Variants in IGBP1 observed in about 807,000 individuals in gnomAD.
IGBP1 encodes immunoglobulin-binding protein 1.
IGBP1 carries 2 observed loss-of-function variants against 25.9 expected under a neutral mutation model. The ratio of observed to expected loss-of-function variants is 0.08; its 90% CI spans 0.03 to 0.24. The LOEUF (loss-of-function observed/expected upper bound fraction) is 0.24, where lower values mean the gene tolerates loss of function less well. Ranked by LOEUF, IGBP1 falls within the 10% of genes least tolerant of loss-of-function variation. The pLI is 1.00. For synonymous variants in IGBP1, 96 were observed against 93.4 expected, an observed-to-expected ratio of 1.03 and a Z score of -0.16; for missense variants, 187 against 260.4, an observed-to-expected ratio of 0.72 and a Z score of 1.94.
intron 3 of IGBP1, among the ~76,000 whole-genome samples, chrX:70,145,838 C>T (rs922162999): frequency 1.8e-5 from 2 of 112,426 alleles, no homozygotes; most frequent in Non-Finnish European, 3.8e-5. Flanking sequence ...CTTCTGACTA[C>T]CTTGTATATA....
chrX:70,135,411 G>A (rs900763552), intron 3 of IGBP1, among the ~76,000 whole-genome samples: 1 of 111,625 alleles, frequency 9.0e-6, no homozygotes, highest in Admixed American at 9.6e-5. Context: ...CTGCCTTGGA[G>A]GAGCATACAA....
rs751288055 is a variant in IGBP1, at chrX:70,134,751, C to T, written c.417C>T (p.Ala139=). ...ACAACTCTGCTGAAAATCACACTGCCAATTCCTCCATGGCTTATCCTAGTC... is the reference window on the plus strand; with the variant it reads ...ACAACTCTGCTGAAAATCACACTGCTAATTCCTCCATGGCTTATCCTAGTC... ...TMNNSAENHT[A]NSSMAYPSLV... The change falls in exon 3 of 7, where the codon GCC becomes GCT. Residue 139 remains alanine (A), a synonymous_variant. Coordinates refer to ENST00000356413, the MANE Select transcript of IGBP1 (RefSeq NM_001551.3). The T allele has an allele frequency of 1.7e-6, 2 of 1,211,372 alleles. No individual in the cohort carries two copies. The highest frequency in any genetic ancestry group is 2.2e-6 in the Non-Finnish European group (2 of 894,863).
In IGBP1 at chrX:70,165,861, G is replaced by A; in HGVS notation, c.900G>A (p.Gln300=). 2 of 1,208,479 alleles carry A rather than the reference G, an allele frequency of 1.7e-6. No individual in the cohort carries two copies. Among genetic ancestry groups the A allele is most frequent in the East Asian group, 3.0e-5 (1 of 33,733 alleles). The change falls in exon 7 of 7, where the codon CAG becomes CAA. Residue 300 remains glutamine, a synonymous_variant. Coordinates refer to ENST00000356413, the MANE Select transcript of IGBP1 (RefSeq NM_001551.3). ...PEEFRKAAQQ[Q]EEQEEKEEED... is the part of the protein sequence containing the mutation. The stretch of plus-strand genomic sequence containing the variant: ...AATTCAGAAAAGCAGCTCAGCAACA[G>A]GAAGAACAAGAAGAAAAGGAGGAAG...
At chrX:70,152,744 T>C (rs1183947593) in intron 6 of IGBP1, among the ~76,000 whole-genome samples, 2 of 112,120 alleles carry the variant, frequency 1.8e-5, no homozygotes, top group Non-Finnish European at 3.8e-5. Context: ...TACCAGATTG[T>C]TGCTGACAGA....
intron 1 of IGBP1, 73 bp downstream of exon 1, chrX:70,133,613 C>G (rs1296138860): frequency 4.9e-6 from 2 of 404,058 alleles, no homozygotes; most frequent in Admixed American, 9.6e-5. Context: ...AATTCAGCCT[C>G]GCCTCACCCG....
chrX:70,134,381 A>T (rs899160817), intron 2 of IGBP1, 142 bp from the exon 3 acceptor site: 3 of 659,475 alleles, frequency 4.5e-6, no homozygotes, highest in Non-Finnish European at 7.2e-6. Flanking sequence ...AGCCACTTTC[A>T]TTGAGTGAAA....
chrX:70,144,429 GGATAGGAGTGA>G (rs2085152146), intron 3 of IGBP1, among the ~76,000 whole-genome samples: 1 of 110,902 alleles, frequency 9.0e-6, no homozygotes, highest in African/African-American at 3.3e-5. Flanking sequence ...AGAGGGTTGG[GGATAGGAGTGA>G]GATTGGAGTT....
At chrX:70,136,727 T>TATA (rs1556190899) in intron 3 of IGBP1, among the ~76,000 whole-genome samples, 1,149 of 107,671 alleles carry the variant, frequency 0.011, 12 homozygotes, top group African/African-American at 0.037. Flanking sequence ...TTATTATTAT[T>TATA]ATACAGAGTT....
chrX:70,159,856 A>G lies in IGBP1; in HGVS notation c.872-5977A>G, dbSNP rs775033208. On this transcript the variant is annotated intron_variant, in intron 6 of 6. Coordinates refer to ENST00000356413, the MANE Select transcript of IGBP1 (RefSeq NM_001551.3). ...CCGGGTGCAGTGGCAACACAGCCCCAGGAATGGTAGGGCATAGCTGTGGCT... is the reference window on the plus strand; with the variant it reads ...CCGGGTGCAGTGGCAACACAGCCCCGGGAATGGTAGGGCATAGCTGTGGCT... 1.9e-3 allele frequency among the ~76,000 whole-genome samples: 214 copies of G among 111,400 alleles called. 1 individual carries two copies. The highest frequency in any genetic ancestry group is 6.5e-3 in the African/African-American group (199 of 30,681).
chrX:70,161,789 T>A (rs1421661413), intron 6 of IGBP1, among the ~76,000 whole-genome samples: 1 of 111,169 alleles, frequency 9.0e-6, no homozygotes, highest in Non-Finnish European at 1.9e-5. Context: ...AACTCAGGGC[T>A]CTCTGTACTA....
chrX:70,148,883 A>G, intron 5 of IGBP1, 43 bp downstream of exon 5: 1 of 907,865 alleles, frequency 1.1e-6, no homozygotes, highest in Non-Finnish European at 1.6e-6. Context: ...CTCTGCTTTT[A>G]TGGTTCAATG....
chrX:70,133,954 G>A lies in IGBP1; in HGVS notation c.7G>A (p.Ala3Thr), dbSNP rs774101165. Residue 3 changes from alanine (A) to threonine (T), a missense_variant, in exon 2 of 7, where the codon GCT becomes ACT. Ala to Thr is a moderately conservative substitution (Grantham distance 58). Transcript: ENST00000356413. ...GGGTTCCTCTCTCCCCAAGATGGCT[G>A]CTGAGGACGAGTTACAGCTGCCGCG... The part of the protein sequence containing the change: MA[A>T]EDELQLPRLP... 1.2e-5 allele frequency: 14 copies of A among 1,210,767 alleles called. No individual in the cohort carries two copies. In the South Asian group the frequency reaches 2.3e-4, roughly 20 times the overall value.
At chrX:70,143,698 G>A (rs146103948) in intron 3 of IGBP1, among the ~76,000 whole-genome samples, 2,006 of 91,552 alleles carry the variant, frequency 0.022, 36 homozygotes, top group Non-Finnish European at 0.035. Context: ...ATGTTCCTTG[G>A]AGCCCTAAAA....
At chrX:70,139,165 C>T (rs1465326264) in intron 3 of IGBP1, among the ~76,000 whole-genome samples, 1 of 110,562 alleles carries the variant, frequency 9.0e-6, no homozygotes, top group African/African-American at 3.3e-5. Flanking sequence ...CAAAAATTAG[C>T]CAGGCATGGT....
chrX:70,136,112 TG>T (rs2085093366), intron 3 of IGBP1, among the ~76,000 whole-genome samples: 1 of 111,588 alleles, frequency 9.0e-6, no homozygotes, highest in Non-Finnish European at 1.9e-5. Flanking sequence ...GTCAGAGACC[TG>T]GGTTTGAGAT....
intron 6 of IGBP1, among the ~76,000 whole-genome samples, chrX:70,162,201 A>G (rs1282474957): frequency 2.7e-5 from 3 of 111,652 alleles, no homozygotes; most frequent in Non-Finnish European, 5.6e-5. Context: ...CATCGAGGTT[A>G]TTATCAGTGT....
intron 3 of IGBP1, 67 bp downstream of exon 3, chrX:70,134,883 C>T: frequency 8.5e-6 from 9 of 1,053,864 alleles, no homozygotes; most frequent in South Asian, 1.9e-5. Context: ...GCTTTCTTGG[C>T]GGGTGGTGGG....
chrX:70,143,995 C>A (rs1056109361), intron 3 of IGBP1, among the ~76,000 whole-genome samples: 3 of 112,057 alleles, frequency 2.7e-5, no homozygotes, highest in Non-Finnish European at 5.6e-5. Flanking sequence ...CAAGACCAGC[C>A]TGGCCAACAT....
chrX:70,134,381 A>G (rs899160817), intron 2 of IGBP1, 142 bp from the exon 3 acceptor site: 7 of 657,779 alleles, frequency 1.1e-5, no homozygotes, highest in Non-Finnish European at 1.4e-5. Context: ...AGCCACTTTC[A>G]TTGAGTGAAA....
Sources: gnomAD v4.1 joint callset for allele counts (sites outside exome capture counted in the v4.1 genomes callset) on GRCh38, gnomAD v4.1.1 for gene constraint, MANE v1.5 for transcripts, NCBI Gene and HGNC (gene_info 2026-07-23, HGNC 2026-07-21) for gene names.